CDC45: variants seen among roughly 807,000 people sequenced by gnomAD.
CDC45 encodes the protein cell division cycle 45.
Under a neutral mutation model 77.8 loss-of-function variants are expected in CDC45, and 54 were observed. That is an observed-to-expected ratio of 0.69 (90% CI 0.56 to 0.87). CDC45 has a LOEUF of 0.87. CDC45 is among the 40% of genes least tolerant of loss of function. The probability of loss-of-function intolerance (pLI) is 0.00; values close to 1 mark genes in which losing one functional copy is unlikely to be tolerated. For synonymous variants in CDC45, 260 were observed against 272.1 expected, an observed-to-expected ratio of 0.96 and a Z score of 0.44; for missense variants, 649 against 721.6, an observed-to-expected ratio of 0.90 and a Z score of 1.15.
intron 10 of CDC45, among the ~76,000 whole-genome samples, chr22:19,506,267 G>A (rs1933167459): frequency 3.3e-5 from 5 of 152,162 alleles, no homozygotes; most frequent in Admixed American, 2.0e-4. Context: ...GGAGCCTGGG[G>A]AGCGGGGTGG....
At chr22:19,497,749 T>C (rs548211168) in intron 8 of CDC45, among the ~76,000 whole-genome samples, 3 of 151,968 alleles carry the variant, frequency 2.0e-5, no homozygotes, top group Non-Finnish European at 2.9e-5. Context: ...ACAGGAGGAG[T>C]GTGAGATTTG....
In CDC45 at chr22:19,499,015, C is replaced by T. The variant is rs751651107; in HGVS notation, c.654-86C>T. 507 of 1,414,508 alleles carry T rather than the reference C, an allele frequency of 3.6e-4. 2 individuals are homozygous for T. The Middle Eastern group carries it at 9.1e-3, about 25-fold the overall frequency. The allele number at this position is 1,414,508 out of a possible 1,614,324, so 87.6% of individuals were successfully genotyped here. A position where few individuals can be genotyped will look rare whatever the true frequency, so the allele number is the denominator to read the frequency against. ...CATTCCCCAGAGTGCTGAGCTTGGG[C>T]CCGTTCCATCATCTCACTCCATCCC... On this transcript the variant is annotated intron_variant, in intron 8 of 18. Transcript: ENST00000263201.
chr22:19,507,809 A>G lies in CDC45; in HGVS notation c.1000A>G (p.Ile334Val), dbSNP rs778839372. 2 of 1,602,246 alleles carry G rather than the reference A, an allele frequency of 1.2e-6. No individual in the cohort carries two copies. The highest frequency in any genetic ancestry group is 3.5e-5 in the Admixed American group (2 of 56,382). The change falls in exon 12 of 19, where the codon ATC becomes GTC. Residue 334 changes from isoleucine (I) to valine (V), a missense_variant. By Grantham distance (29) the Ile-to-Val change is conservative (BLOSUM62 3). Coordinates refer to ENST00000263201, the MANE Select transcript of CDC45 (RefSeq NM_003504.5). ...GAAGCAGAAGTTCCAGGCCATGGAC[A>G]TCTCCTTGAAGGAGAATTTGCGGGA... ...QVKQKFQAMD[I>V]SLKENLREMI...
chr22:19,484,502 G>T (rs929087879), intron 5 of CDC45, among the ~76,000 whole-genome samples: 1 of 152,166 alleles, frequency 6.6e-6, no homozygotes, highest in East Asian at 1.9e-4. Flanking sequence ...GTGATCTGGG[G>T]CTGGGCCCAG....
intron 2 of CDC45, 110 bp downstream of exon 2, chr22:19,480,327 G>A: frequency 9.8e-7 from 1 of 1,020,498 alleles, no homozygotes; most frequent in Non-Finnish European, 1.5e-6. Flanking sequence ...CTTAGGGTGG[G>A]AGAGGGAGCA....
intron 17 of CDC45, among the ~76,000 whole-genome samples, chr22:19,517,274 C>T (rs1933853159): frequency 6.6e-6 from 1 of 152,150 alleles, no homozygotes; most frequent in Admixed American, 6.5e-5. Flanking sequence ...CCCGTGATGA[C>T]CCAGGACACC....
intron 12 of CDC45, among the ~76,000 whole-genome samples, 159 bp from the exon 13 acceptor site, chr22:19,508,371 T>G (rs1933324774): frequency 6.6e-6 from 1 of 152,212 alleles, no homozygotes; most frequent in Non-Finnish European, 1.5e-5. Flanking sequence ...AGGGCTGGTA[T>G]GTCTGGACGT....
At chr22:19,491,662 G>A (rs1335690549) in intron 5 of CDC45, among the ~76,000 whole-genome samples, 1 of 151,890 alleles carries the variant, frequency 6.6e-6, no homozygotes, top group Non-Finnish European at 1.5e-5. Flanking sequence ...AGTTTAATTA[G>A]GATGTTAGGA....
intron 2 of CDC45, among the ~76,000 whole-genome samples, 171 bp from the exon 3 acceptor site, chr22:19,480,782 A>G (rs2089967113): frequency 6.6e-6 from 1 of 152,228 alleles, no homozygotes; most frequent in Non-Finnish European, 1.5e-5. Context: ...ACAGAATGGT[A>G]TGGTAAACGC....
At position 19,501,359 on chromosome 22, in the gene CDC45, G is replaced by A. The variant is rs766122553; in HGVS notation, c.704+2208G>A. On this transcript the variant is annotated intron_variant, in intron 9 of 18. Transcript: ENST00000263201. The stretch of plus-strand genomic sequence containing the variant: ...TGTTGCTGGTGCCCTGCCTGTTGAC[G>A]GAGCAGTGTCAACCTTCGGTGCATA... Among the ~76,000 whole-genome samples the A allele has an allele frequency of 3.3e-5, 5 of 152,246 alleles. No individual in the cohort carries two copies. In the East Asian group the frequency reaches 7.7e-4, roughly 24 times the overall value.
chr22:19,500,017 G>C (rs948916264), intron 9 of CDC45, among the ~76,000 whole-genome samples: 1 of 152,238 alleles, frequency 6.6e-6, no homozygotes, highest in Non-Finnish European at 1.5e-5. Flanking sequence ...AGAAGCCCAA[G>C]TTTCAGGCCT....
chr22:19,492,859 T>C (rs1048285210), intron 5 of CDC45, among the ~76,000 whole-genome samples: 2 of 152,200 alleles, frequency 1.3e-5, no homozygotes, highest in African/African-American at 4.8e-5. Context: ...CTTCCCACTT[T>C]GCTGCCTCTT....
chr22:19,488,444 G>C (rs1273683386), intron 5 of CDC45, among the ~76,000 whole-genome samples: 1 of 152,174 alleles, frequency 6.6e-6, no homozygotes, highest in Non-Finnish European at 1.5e-5. Flanking sequence ...GCACCTGCAG[G>C]GTCTCTCCAT....
At chr22:19,485,976 G>GTATTATT (rs2090061145) in intron 5 of CDC45, among the ~76,000 whole-genome samples, 2 of 152,156 alleles carry the variant, frequency 1.3e-5, no homozygotes, top group Non-Finnish European at 2.9e-5. Flanking sequence ...TCTTTTTTCT[G>GTATTATT]TATTATTTGA....
At chr22:19,517,043 T>G (rs1933839098) in intron 17 of CDC45, 150 bp downstream of exon 17, 1 of 669,048 alleles carries the variant, frequency 1.5e-6, no homozygotes, top group Non-Finnish European at 2.6e-6. Flanking sequence ...AGGCTACTCC[T>G]GGTGGCTCAG....
intron 9 of CDC45, among the ~76,000 whole-genome samples, chr22:19,503,872 G>A (rs116875006): frequency 0.018 from 2,693 of 152,320 alleles, 75 homozygotes; most frequent in South Asian, 0.071. Context: ...CTGGTTGCAC[G>A]GAGAAAACTT....
chr22:19,503,754 G>A (rs1932994798), intron 9 of CDC45, among the ~76,000 whole-genome samples: 1 of 152,202 alleles, frequency 6.6e-6, no homozygotes, highest in Non-Finnish European at 1.5e-5. Flanking sequence ...ATTAGGGAGG[G>A]TCGACAAGAC....
intron 5 of CDC45, among the ~76,000 whole-genome samples, chr22:19,493,015 T>C (rs569392735): frequency 2.6e-5 from 4 of 152,244 alleles, no homozygotes; most frequent in African/African-American, 9.6e-5. Flanking sequence ...GTTCCCTCCT[T>C]GGCCTCTCTG....
intron 10 of CDC45, among the ~76,000 whole-genome samples, chr22:19,506,577 G>C (rs1318515854): frequency 6.6e-6 from 1 of 152,122 alleles, no homozygotes; most frequent in African/African-American, 2.4e-5. Context: ...ATCCACCGTG[G>C]GGGACAGTCC....
Sources: allele counts gnomAD v4.1 joint callset (sites outside exome capture counted in the v4.1 genomes callset), GRCh38; gene constraint gnomAD v4.1.1; transcripts MANE v1.5; gene names NCBI Gene and HGNC (gene_info 2026-07-23, HGNC 2026-07-21).